NCAPG: variants seen among roughly 807,000 people sequenced by gnomAD.
The protein encoded by NCAPG is non-SMC condensin I complex subunit G.
NCAPG carries 69 observed loss-of-function variants against 113.1 expected under a neutral mutation model. The ratio of observed to expected loss-of-function variants is 0.61; its 90% CI spans 0.50 to 0.75. The LOEUF (loss-of-function observed/expected upper bound fraction) is 0.75, where lower values mean the gene tolerates loss of function less well. Ranked by LOEUF, NCAPG falls within the 30% of genes least tolerant of loss-of-function variation. The pLI, the probability that NCAPG is intolerant of heterozygous loss-of-function variation, is 0.00. For missense variants in NCAPG, 1,058 were observed against 1,177.0 expected (o/e 0.90, Z 1.48); for synonymous variants, 370 against 415.8 (o/e 0.89, Z 1.34).
chr4:17,842,196 T>C (rs768824435), intron 19 of NCAPG, 114 bp from the exon 20 acceptor site: 39 of 803,670 alleles, frequency 4.9e-5, no homozygotes, highest in Non-Finnish European at 8.0e-5. Context: ...AGGAGATACA[T>C]GTGTTGAAAG....
chr4:17,842,643 A>T, intron 20 of NCAPG: 2 of 327,438 alleles, frequency 6.1e-6, no homozygotes, highest in South Asian at 4.2e-5. Flanking sequence ...ACATGATGTG[A>T]CTCCTCTTTG....
At position 17,817,970 on chromosome 4, in the gene NCAPG, G is replaced by A; in HGVS notation, c.1000G>A (p.Glu334Lys). Residue 334 changes from glutamate to lysine, a missense_variant, in exon 7 of 21, where the codon GAA becomes AAA. Glu to Lys is a moderately conservative substitution (Grantham distance 56). Transcript: ENST00000251496. ...KLIPVETLTP[E>K]IALYWCALCE... is the part of the protein sequence containing the mutation. ...GATTCCAGTGGAAACATTAACTCCT[G>A]AAATTGCTTTGTATTGGTGTGCCCT... 1.9e-6 allele frequency: 3 copies of A among 1,604,918 alleles called. No homozygotes were observed. Among genetic ancestry groups the A allele is most frequent in the Non-Finnish European group, 2.5e-6 (3 of 1,177,486 alleles).
chr4:17,818,908 G>A (rs1424172926), intron 7 of NCAPG, among the ~76,000 whole-genome samples: 1 of 152,190 alleles, frequency 6.6e-6, no homozygotes, highest in African/African-American at 2.4e-5. Flanking sequence ...GAATAAAAAT[G>A]TGGAATTCCC....
In NCAPG at chr4:17,844,785, G is replaced by GA. The variant is rs1722764071; in HGVS notation, c.*1363dup. 6.6e-6 allele frequency: 1 copy of GA among 152,414 alleles called. No homozygotes were observed. The highest frequency in any genetic ancestry group is 1.5e-5 in the Non-Finnish European group (1 of 67,912). 9.4% of individuals were successfully genotyped at this position (152,414 alleles called of 1,614,324 possible). ...CACACATGGCCAGGCTATCCAAAAA[G>GA]AAAGGAGCCATGTTCTCATGTGGTT... On this transcript the variant is annotated 3_prime_UTR_variant, in exon 21 of 21. Transcript: ENST00000251496.
At position 17,840,191 on chromosome 4, in the gene NCAPG, A is replaced by G. The variant is rs149134724; in HGVS notation, c.2749A>G (p.Thr917Ala). Residue 917 changes from threonine (T) to alanine (A), a missense_variant, in exon 18 of 21, where the codon ACT (threonine) becomes GCT (alanine). Thr to Ala is a moderately conservative substitution (Grantham distance 58). Coordinates refer to ENST00000251496, the MANE Select transcript of NCAPG (RefSeq NM_022346.5). ...AAQDATLTTT[T>A]FQNEDEKNKE... is the part of the protein sequence containing the mutation. ...ACAGGATGCCACCTTGACTACAACT[A>G]CTTTCCAAAATGAAGATGGTAATCA... 23 of 1,598,996 alleles carry G rather than the reference A, an allele frequency of 1.4e-5. No homozygotes were observed. In the African/African-American group the frequency reaches 2.8e-4, roughly 20 times the overall value.
intron 13 of NCAPG, 147 bp from the exon 14 acceptor site, chr4:17,834,152 A>G: frequency 2.0e-6 from 1 of 506,886 alleles, no homozygotes; most frequent in Non-Finnish European, 3.4e-6. Context: ...TTTTAACTGT[A>G]TTTTTGAAAA....
chr4:17,821,112 A>C lies in NCAPG; in HGVS notation c.1119-1871A>C, dbSNP rs539906007. On this transcript the variant is annotated intron_variant, in intron 7 of 20. Transcript: ENST00000251496. ...AATCTATTAATTAAACAACTGTTTG[A>C]ATTTACTTAAAAAAAAAAACTCAGT... Among the ~76,000 whole-genome samples the C allele has an allele frequency of 9.2e-4, 140 of 152,120 alleles. No individual in the cohort carries two copies. In the South Asian group the frequency reaches 0.01, roughly 11 times the overall value.
At chr4:17,839,243 G>C (rs1453178538) in intron 16 of NCAPG, among the ~76,000 whole-genome samples, 1 of 152,148 alleles carries the variant, frequency 6.6e-6, no homozygotes, top group South Asian at 2.1e-4. Flanking sequence ...TCCGGAACTG[G>C]GATGTTCCTT....
intron 8 of NCAPG, among the ~76,000 whole-genome samples, chr4:17,823,374 G>A (rs531838437): frequency 1.3e-5 from 2 of 152,118 alleles, no homozygotes; most frequent in South Asian, 4.1e-4. Context: ...AAGGCTAGTA[G>A]CATTTTCTAA....
intron 3 of NCAPG, 186 bp downstream of exon 3, chr4:17,813,331 A>G (rs983167218): frequency 6.9e-6 from 3 of 437,506 alleles, no homozygotes; most frequent in Non-Finnish European, 8.0e-6. Flanking sequence ...CTTGCATCCT[A>G]TCCCAGTTGC....
chr4:17,817,527 A>C, intron 6 of NCAPG, 74 bp downstream of exon 6: 1 of 1,158,186 alleles, frequency 8.6e-7, no homozygotes, highest in Non-Finnish European at 1.2e-6. Flanking sequence ...TTTCCTCCCC[A>C]TAGCTTAAGA....
Position 17,812,400 on chromosome 4 carries a change from T to C in NCAPG, c.291T>C (p.Asn97=), listed in dbSNP as rs760818368. 4 of 1,613,566 alleles carry C rather than the reference T, an allele frequency of 2.5e-6. No individual in the cohort carries two copies. The South Asian group carries it at 4.4e-5, about 18-fold the overall frequency. Residue 97 remains asparagine, a synonymous_variant, in exon 2 of 21, where the codon AAT becomes AAC. Coordinates refer to ENST00000251496, the MANE Select transcript of NCAPG (RefSeq NM_022346.5). The part of the protein sequence containing the change: ...DEEEEDGGLL[N]YLFTFLLKSH... ...AAGAGGAAGATGGTGGCCTTTTAAA[T>C]TATTTGTTTACTTTTCTCTTAAAGG...
Position 17,811,332 on chromosome 4 carries a change from G to T in NCAPG, c.111+144G>T. ...CTCACTTCATAGGGATCTGAGGTTC[G>T]GAGAAGTCAGGGACTTACCCGAGGT... On this transcript the variant is annotated intron_variant, in intron 1 of 20. Transcript: ENST00000251496. The surrounding 1 kb of genome is among the most constrained non-coding windows in gnomAD (Gnocchi z 5.3). 3.9e-6 allele frequency: 2 copies of T among 515,104 alleles called. No individual in the cohort carries two copies. The highest frequency in any genetic ancestry group is 6.7e-6 in the Non-Finnish European group (2 of 300,458). The allele number at this position is 515,104 out of a possible 1,614,324, so 31.9% of individuals were successfully genotyped here. A position where few individuals can be genotyped will look rare whatever the true frequency, so the allele number is the denominator to read the frequency against.
chr4:17,813,677 T>C lies in NCAPG; in HGVS notation c.544+532T>C, dbSNP rs147495684. ...TTTTAGGTGGCTCATTGGGGTATCA[T>C]TGTTTCACTCCCTTTGGGGTATCTT... On this transcript the variant is annotated intron_variant, in intron 3 of 20. Transcript: ENST00000251496. Among the ~76,000 whole-genome samples, 999 of 152,306 alleles carry C rather than the reference T, an allele frequency of 6.6e-3. 16 individuals carry two copies. Among genetic ancestry groups the C allele is most frequent in the African/African-American group, 0.023 (961 of 41,566 alleles).
intron 3 of NCAPG, 133 bp downstream of exon 3, chr4:17,813,278 A>G (rs1721071256): frequency 1.4e-6 from 1 of 689,940 alleles, no homozygotes; most frequent in East Asian, 3.1e-5. Context: ...TAAACAAAAA[A>G]AACCTAAGTA....
Position 17,837,665 on chromosome 4 carries a change from C to T in NCAPG, c.2330C>T (p.Thr777Ile), listed in dbSNP as rs769255183. 61 of 1,613,782 alleles carry T rather than the reference C, an allele frequency of 3.8e-5. No individual in the cohort carries two copies. Among genetic ancestry groups the T allele is most frequent in the Non-Finnish European group, 5.2e-5 (61 of 1,179,922 alleles). ...QECFEEAFLP[T>I]LQTLANAPAS... is the part of the protein sequence containing the mutation. ...TGCTTTGAAGAAGCTTTTCTTCCAACCCTGCAAACACTGGCCAATGCCCCT... is the reference window on the plus strand; with the variant it reads ...TGCTTTGAAGAAGCTTTTCTTCCAATCCTGCAAACACTGGCCAATGCCCCT... The change falls in exon 16 of 21, where the codon ACC becomes ATC. Residue 777 changes from threonine (T) to isoleucine (I), a missense_variant. Transcript: ENST00000251496.
chr4:17,814,593 T>C (rs928379156), intron 3 of NCAPG, among the ~76,000 whole-genome samples: 2 of 152,190 alleles, frequency 1.3e-5, no homozygotes, highest in Admixed American at 6.5e-5. Context: ...GCCACTACCA[T>C]GCCTAGCTAA....
chr4:17,821,566 C>A (rs970558380), intron 7 of NCAPG, among the ~76,000 whole-genome samples: 4 of 148,602 alleles, frequency 2.7e-5, no homozygotes, highest in Admixed American at 6.8e-5. Context: ...CAGGTTCAAG[C>A]AATTCTCCTG....
At chr4:17,833,737 G>C (rs1024208531) in intron 13 of NCAPG, among the ~76,000 whole-genome samples, 1 of 151,456 alleles carries the variant, frequency 6.6e-6, no homozygotes, top group African/African-American at 2.4e-5. Context: ...GCTGTGTTTC[G>C]TGATTTACGT....
Sources: allele counts gnomAD v4.1 joint callset (sites outside exome capture counted in the v4.1 genomes callset), GRCh38; gene constraint gnomAD v4.1.1; non-coding constraint Gnocchi (gnomAD v3.1); transcripts MANE v1.5; gene names NCBI Gene and HGNC (gene_info 2026-07-23, HGNC 2026-07-21).